NEMP2: variants seen among roughly 807,000 people sequenced by gnomAD.
The protein encoded by NEMP2 is nuclear envelope integral membrane protein 2.
Under a neutral mutation model 54.2 loss-of-function variants are expected in NEMP2, and 53 were observed. The observed-to-expected ratio is 0.98, with a 90% CI of 0.78 to 1.23. The LOEUF (loss-of-function observed/expected upper bound fraction) is 1.23, where lower values mean the gene tolerates loss of function less well. Ranked by LOEUF, NEMP2 falls within the 50% of genes most tolerant of loss-of-function variation. The pLI is 0.00. For missense variants in NEMP2, 455 were observed against 511.3 expected (o/e 0.89, Z 1.06); for synonymous variants, 197 against 190.3 (o/e 1.04, Z -0.29).
chr2:190,594,320 G>C, the NEMP2 span, among the ~76,000 whole-genome samples: 2 of 152,086 alleles, frequency 1.3e-5, no homozygotes, highest in Non-Finnish European at 2.9e-5. This position sits in a 1 kb window ranked among gnomAD's most constrained non-coding sequence, Gnocchi z 5.6. Flanking sequence ...CATCCATGAT[G>C]TTACCCAAAA....
At chr2:190,600,883 C>T in the NEMP2 span, among the ~76,000 whole-genome samples, 1 of 152,150 alleles carries the variant, frequency 6.6e-6, no homozygotes, top group African/African-American at 2.4e-5. This position sits in a 1 kb window ranked among gnomAD's most constrained non-coding sequence, Gnocchi z 4.9. Context: ...AACATGTGGT[C>T]AGGTCTTAGT....
upstream of NEMP2, among the ~76,000 whole-genome samples, chr2:190,538,260 A>G (rs999257179): frequency 6.6e-6 from 1 of 152,196 alleles, no homozygotes; most frequent in Non-Finnish European, 1.5e-5. This position sits in a 1 kb window ranked among gnomAD's most constrained non-coding sequence, Gnocchi z 4.1. Flanking sequence ...TTCACTTAGC[A>G]TAGTGACCTC....
chr2:190,557,520 A>T, the NEMP2 span, among the ~76,000 whole-genome samples: 1 of 152,226 alleles, frequency 6.6e-6, no homozygotes, highest in Non-Finnish European at 1.5e-5. Context: ...AGAAACTATC[A>T]TCAGAGTGAA....
chr2:190,597,802 T>C, the NEMP2 span, among the ~76,000 whole-genome samples: 18 of 152,282 alleles, frequency 1.2e-4, no homozygotes, highest in Non-Finnish European at 2.5e-4. This position sits in a 1 kb window ranked among gnomAD's most constrained non-coding sequence, Gnocchi z 4.7. Context: ...AAAAAACAAC[T>C]CTGAGCATTC....
the NEMP2 span, among the ~76,000 whole-genome samples, chr2:190,620,982 T>C: frequency 6.6e-6 from 1 of 151,938 alleles, no homozygotes; most frequent in Non-Finnish European, 1.5e-5. The surrounding 1 kb of genome is among the most constrained non-coding windows in gnomAD (Gnocchi z 4.9). Context: ...AATATGAAAA[T>C]GAAATTTCAA....
chr2:190,597,485 C>A, the NEMP2 span, among the ~76,000 whole-genome samples: 1 of 151,996 alleles, frequency 6.6e-6, no homozygotes, highest in African/African-American at 2.4e-5. This position sits in a 1 kb window ranked among gnomAD's most constrained non-coding sequence, Gnocchi z 4.7. Flanking sequence ...AAAAATGTTA[C>A]CTGAAAATTA....
chr2:190,576,809 AT>A, the NEMP2 span, among the ~76,000 whole-genome samples: 93 of 152,334 alleles, frequency 6.1e-4, no homozygotes, highest in South Asian at 0.014. Flanking sequence ...ATACATTAAC[AT>A]TGTTGGGCAG....
At chr2:190,481,761 T>C in the NEMP2 span, among the ~76,000 whole-genome samples, 4 of 152,226 alleles carry the variant, frequency 2.6e-5, no homozygotes, top group South Asian at 8.3e-4. Context: ...GGTGTGGGAA[T>C]GTTGGCTTTT....
the NEMP2 span, chr2:190,553,601 T>G: frequency 6.6e-6 from 1 of 152,250 alleles, no homozygotes; most frequent in Non-Finnish European, 1.5e-5. Context: ...TAACATCCAC[T>G]TCAGCAGAGA....
chr2:190,534,709 C>G lies in NEMP2; in HGVS notation c.-54G>C. The G allele has an allele frequency of 1.7e-6, 2 of 1,199,250 alleles. No homozygotes were observed. The allele number at this position is 1,199,250 out of a possible 1,614,324, so 74.3% of individuals were successfully genotyped here. A position where few individuals can be genotyped will look rare whatever the true frequency, so the allele number is the denominator to read the frequency against. On this transcript the variant is annotated 5_prime_UTR_variant, in exon 1 of 9. Transcript: ENST00000409150. ...GAGCCCTAGGGGACCGGCTCCGCTG[C>G]GAGGAGCGGAAGTGGCGCGGGGGCT...
rs1460460313 is a variant in NEMP2, at chr2:190,519,886, C to A, written c.214-703G>T. ...TTGTGCAACTCTGTGTCAGGCAAAT[C>A]TACTGGCACCATTTTTTCAACAGCA... On this transcript the variant is annotated intron_variant, in intron 2 of 8. Transcript: ENST00000409150. The surrounding 1 kb of genome is among the most constrained non-coding windows in gnomAD (Gnocchi z 5.4). Among the ~76,000 whole-genome samples, 2 of 152,224 alleles carry A rather than the reference C, an allele frequency of 1.3e-5. No homozygotes were observed.
At chr2:190,463,050 A>C in the NEMP2 span, among the ~76,000 whole-genome samples, 52 of 152,272 alleles carry the variant, frequency 3.4e-4, no homozygotes, top group African/African-American at 1.2e-3. The surrounding 1 kb of genome is among the most constrained non-coding windows in gnomAD (Gnocchi z 4.4). Flanking sequence ...TGCCATGGAG[A>C]GGACAAAAAA....
At chr2:190,492,583 A>G in the NEMP2 span, among the ~76,000 whole-genome samples, 1 of 152,246 alleles carries the variant, frequency 6.6e-6, no homozygotes, top group Non-Finnish European at 1.5e-5. The surrounding 1 kb of genome is among the most constrained non-coding windows in gnomAD (Gnocchi z 5.2). Context: ...ATGGAAATTT[A>G]AAATTGAACT....
downstream of NEMP2, among the ~76,000 whole-genome samples, chr2:190,502,508 C>T (rs774602415): frequency 6.6e-6 from 1 of 152,118 alleles, no homozygotes; most frequent in Non-Finnish European, 1.5e-5. The surrounding 1 kb of genome is among the most constrained non-coding windows in gnomAD (Gnocchi z 4.4). Flanking sequence ...TGAACTATTC[C>T]TCAAGTTTTA....
At chr2:190,606,639 G>A in the NEMP2 span, among the ~76,000 whole-genome samples, 1 of 152,192 alleles carries the variant, frequency 6.6e-6, no homozygotes, top group East Asian at 1.9e-4. Context: ...TTGAACCTGG[G>A]AGGCAGAGGT....
chr2:190,478,214 T>G, the NEMP2 span, among the ~76,000 whole-genome samples: 1 of 152,266 alleles, frequency 6.6e-6, no homozygotes, highest in African/African-American at 2.4e-5. Context: ...CTTATGCCAG[T>G]AGAAACCTAG....
chr2:190,613,345 C>T, the NEMP2 span, among the ~76,000 whole-genome samples: 1 of 151,904 alleles, frequency 6.6e-6, no homozygotes, highest in Non-Finnish European at 1.5e-5. Flanking sequence ...TTATTAAAAA[C>T]ATTATATTTA....
chr2:190,605,149 TTAAAG>T, the NEMP2 span, among the ~76,000 whole-genome samples: 1 of 152,112 alleles, frequency 6.6e-6, no homozygotes, highest in Non-Finnish European at 1.5e-5. Context: ...CATGTTGACA[TTAAAG>T]TAATTTTTTC....
the NEMP2 span, among the ~76,000 whole-genome samples, chr2:190,425,568 T>G: frequency 0.021 from 3,123 of 152,306 alleles, 119 homozygotes; most frequent in African/African-American, 0.07. This position sits in a 1 kb window ranked among gnomAD's most constrained non-coding sequence, Gnocchi z 4.3. Context: ...TTTCAAATGT[T>G]TATTTTATCA....
Sources: gnomAD v4.1 joint callset for allele counts (sites outside exome capture counted in the v4.1 genomes callset) on GRCh38, gnomAD v4.1.1 for gene constraint, Gnocchi (gnomAD v3.1) non-coding constraint, MANE v1.5 for transcripts, NCBI Gene and HGNC (gene_info 2026-07-23, HGNC 2026-07-21) for gene names.